Variants in PACRG observed in about 807,000 individuals in gnomAD.
PACRG encodes parkin coregulated.
A neutral mutation model predicts 29.7 loss-of-function variants in PACRG; 29 were observed. The ratio of observed to expected loss-of-function variants is 0.98; its 90% CI spans 0.73 to 1.33. The LOEUF (loss-of-function observed/expected upper bound fraction) is 1.33, where lower values mean the gene tolerates loss of function less well. PACRG is among the 40% of genes most tolerant of loss of function. The pLI is 0.00. For missense variants in PACRG, 279 were observed against 316.2 expected (o/e 0.88, Z 0.89); for synonymous variants, 116 against 118.7 (o/e 0.98, Z 0.15).
At chr6:163,272,923 G>C (rs918431590) in intron 4 of PACRG, among the ~76,000 whole-genome samples, 1 of 97,478 alleles carries the variant, frequency 1.0e-5, no homozygotes, top group Non-Finnish European at 1.9e-5. Context: ...ACGGAGTCTT[G>C]CTCTGTCGCC....
At chr6:162,828,913 T>C (rs1019604358) in intron 2 of PACRG, among the ~76,000 whole-genome samples, 3 of 152,174 alleles carry the variant, frequency 2.0e-5, no homozygotes, top group Non-Finnish European at 4.4e-5. Context: ...ACTAATGAAT[T>C]AACAAATTAT....
chr6:163,181,389 GA>G (rs1389399748), intron 4 of PACRG, among the ~76,000 whole-genome samples: 1 of 152,114 alleles, frequency 6.6e-6, no homozygotes, highest in Non-Finnish European at 1.5e-5. Flanking sequence ...CAGGGGCAGT[GA>G]AAAGCAGTGC....
At chr6:162,915,509 A>C (rs576537347) in intron 2 of PACRG, among the ~76,000 whole-genome samples, 13 of 152,174 alleles carry the variant, frequency 8.5e-5, no homozygotes, top group African/African-American at 3.1e-4. Context: ...GTTTTGTACT[A>C]TTAATACCTA....
intron 2 of PACRG, among the ~76,000 whole-genome samples, chr6:162,952,605 C>T (rs777120495): frequency 6.6e-6 from 1 of 152,128 alleles, no homozygotes; most frequent in South Asian, 2.1e-4. Context: ...CACAGTTTGG[C>T]GTGATTGATA....
chr6:162,852,317 C>T (rs1790986142), intron 2 of PACRG, among the ~76,000 whole-genome samples: 1 of 152,158 alleles, frequency 6.6e-6, no homozygotes, highest in African/African-American at 2.4e-5. Context: ...CAATTCTGGG[C>T]ATCTTTCTCA....
intron 2 of PACRG, among the ~76,000 whole-genome samples, chr6:162,829,240 G>A (rs146636107): frequency 2.7e-3 from 410 of 152,354 alleles, no homozygotes; most frequent in Non-Finnish European, 4.8e-3. Context: ...GCACACGAAA[G>A]CAAGCCCCAA....
chr6:163,079,513 G>A (rs1009029046), intron 3 of PACRG, among the ~76,000 whole-genome samples: 7 of 152,082 alleles, frequency 4.6e-5, no homozygotes, highest in Non-Finnish European at 1.0e-4. Flanking sequence ...TGCTGATACA[G>A]TTTATTTATT....
intron 2 of PACRG, among the ~76,000 whole-genome samples, chr6:163,016,468 A>G (rs931234346): frequency 2.0e-5 from 3 of 151,904 alleles, no homozygotes; most frequent in African/African-American, 7.3e-5. Context: ...ATCTGCCACT[A>G]GGTTCAGCCT....
At chr6:163,125,809 C>T (rs193249282) in intron 4 of PACRG, among the ~76,000 whole-genome samples, 2 of 152,276 alleles carry the variant, frequency 1.3e-5, no homozygotes, top group East Asian at 3.9e-4. Context: ...AACTCTACTC[C>T]TAGGAAACTA....
intron 1 of PACRG, among the ~76,000 whole-genome samples, chr6:162,748,460 T>G (rs964455002): frequency 6.6e-6 from 1 of 152,216 alleles, no homozygotes; most frequent in Non-Finnish European, 1.5e-5. Flanking sequence ...ACCACTGCAC[T>G]CCAGCCTGCG....
intron 2 of PACRG, among the ~76,000 whole-genome samples, chr6:162,956,046 G>C (rs1432454230): frequency 2.6e-5 from 4 of 152,106 alleles, no homozygotes; most frequent in Admixed American, 6.5e-5. Flanking sequence ...TTTTCTCTTT[G>C]CTCCCCAGGG....
chr6:163,041,004 C>T lies in PACRG; in HGVS notation c.292-21146C>T, dbSNP rs373759389. Among the ~76,000 whole-genome samples the T allele has an allele frequency of 2.2e-4, 33 of 152,178 alleles. No homozygotes were observed. The South Asian group carries it at 4.2e-3, about 19-fold the overall frequency. ...GGGGCCGGGGCAGAATAATATGGTT[C>T]GGCTCTGTGTCCTCACCCAAATCTT... On this transcript the variant is annotated intron_variant, in intron 2 of 4. Coordinates refer to ENST00000366888, the MANE Select transcript of PACRG (RefSeq NM_001080379.2).
chr6:163,137,554 C>T (rs1816982960), intron 4 of PACRG, among the ~76,000 whole-genome samples: 1 of 152,162 alleles, frequency 6.6e-6, no homozygotes, highest in Admixed American at 6.5e-5. Context: ...GATCCTTTCT[C>T]CATCCCCCCA....
At chr6:162,966,571 G>T (rs1247143249) in intron 2 of PACRG, among the ~76,000 whole-genome samples, 1 of 151,194 alleles carries the variant, frequency 6.6e-6, no homozygotes, top group African/African-American at 2.4e-5. Flanking sequence ...CCGCCTCCCG[G>T]GTTCATGCCA....
At chr6:163,117,372 C>T (rs1253537055) in intron 4 of PACRG, among the ~76,000 whole-genome samples, 2 of 152,204 alleles carry the variant, frequency 1.3e-5, no homozygotes, top group Non-Finnish European at 2.9e-5. Context: ...GGGGAGGTTT[C>T]CTACCCCAGC....
intron 4 of PACRG, among the ~76,000 whole-genome samples, chr6:163,098,728 G>T (rs1562912989): frequency 6.6e-6 from 1 of 152,218 alleles, no homozygotes; most frequent in Non-Finnish European, 1.5e-5. Context: ...AGGAATAAAA[G>T]AATGGCTACT....
intron 2 of PACRG, among the ~76,000 whole-genome samples, chr6:162,909,239 C>G (rs1796138109): frequency 6.6e-6 from 1 of 152,096 alleles, no homozygotes; most frequent in Non-Finnish European, 1.5e-5. Context: ...TCCTTCCATA[C>G]CGTTGTCTTT....
chr6:162,943,348 C>G (rs886369520), intron 2 of PACRG, among the ~76,000 whole-genome samples: 5 of 152,184 alleles, frequency 3.3e-5, no homozygotes, highest in African/African-American at 7.2e-5. Flanking sequence ...AGGGCCAAAG[C>G]ACCAGCCCTT....
chr6:162,944,012 A>G (rs1159769651), intron 2 of PACRG, among the ~76,000 whole-genome samples: 1 of 152,156 alleles, frequency 6.6e-6, no homozygotes. Context: ...TGGAGGCCCA[A>G]GAATATGCCT....
Sources: allele counts gnomAD v4.1 joint callset (sites outside exome capture counted in the v4.1 genomes callset), GRCh38; gene constraint gnomAD v4.1.1; transcripts MANE v1.5; gene names NCBI Gene and HGNC (gene_info 2026-07-23, HGNC 2026-07-21).